The following GPC5 variants were observed in gnomAD, a reference collection of about 807,000 sequenced individuals.
GPC5 encodes the protein glypican 5, also known as glypican-5.
In GPC5, 47 loss-of-function variants were observed where a neutral mutation model predicts 53.9. That is an observed-to-expected ratio of 0.87 (90% CI 0.69 to 1.11). The LOEUF (loss-of-function observed/expected upper bound fraction) is 1.11. GPC5 is among the 50% of genes most tolerant of loss of function. The pLI is 0.00. For missense variants in GPC5, 748 were observed against 713.1 expected (o/e 1.05, Z -0.56); for synonymous variants, 286 against 263.3 (o/e 1.09, Z -0.84).
intron 7 of GPC5, among the ~76,000 whole-genome samples, chr13:92,830,067 A>G (rs1041670157): frequency 6.6e-6 from 1 of 152,148 alleles, no homozygotes; most frequent in African/African-American, 2.4e-5. Flanking sequence ...TGAGACTTTC[A>G]TGACCTCATA....
chr13:91,528,305 T>C (rs926865571), intron 2 of GPC5, among the ~76,000 whole-genome samples: 3 of 152,184 alleles, frequency 2.0e-5, no homozygotes, highest in African/African-American at 7.2e-5. Context: ...AGAAATTTCT[T>C]CTGCCAGATA....
intron 2 of GPC5, among the ~76,000 whole-genome samples, chr13:91,675,856 A>G (rs913479342): frequency 1.3e-5 from 2 of 152,170 alleles, no homozygotes; most frequent in African/African-American, 4.8e-5. Flanking sequence ...AGTGGAGGAG[A>G]TAAGAGTGGA....
At chr13:92,304,855 A>G (rs2043100772) in intron 7 of GPC5, among the ~76,000 whole-genome samples, 1 of 152,170 alleles carries the variant, frequency 6.6e-6, no homozygotes, top group South Asian at 2.1e-4. Context: ...ATTGATTCCA[A>G]GATATGGCTT....
intron 5 of GPC5, among the ~76,000 whole-genome samples, chr13:91,887,938 C>T (rs1852292457): frequency 6.6e-6 from 1 of 152,192 alleles, no homozygotes. Context: ...CTGTTACAAC[C>T]TCTGCTTGTT....
chr13:91,759,954 T>C (rs1052044090), intron 5 of GPC5, among the ~76,000 whole-genome samples: 4 of 152,090 alleles, frequency 2.6e-5, no homozygotes, highest in Non-Finnish European at 5.9e-5. Context: ...TTCTGGAAAG[T>C]TACAAGAAAA....
chr13:92,702,023 CCT>C (rs1491358643), intron 7 of GPC5, among the ~76,000 whole-genome samples: 3 of 147,932 alleles, frequency 2.0e-5, no homozygotes, highest in Non-Finnish European at 3.0e-5. Context: ...ACTTTTCTCC[CCT>C]GTTATAGGAG....
chr13:92,579,059 C>T (rs946971194), intron 7 of GPC5, among the ~76,000 whole-genome samples: 1 of 152,080 alleles, frequency 6.6e-6, no homozygotes, highest in Non-Finnish European at 1.5e-5. Flanking sequence ...ATTCAGAGGT[C>T]ATGGAAAAGA....
rs185034356 is a variant in GPC5, at chr13:92,187,957, T to C, written c.1561+42968T>C. ...CACAAACTGTGCCACTGACATTTTA[T>C]TATTTATTTTTTAACATAGAAATCC... On this transcript the variant is annotated intron_variant, in intron 7 of 7. Coordinates refer to ENST00000377067, the MANE Select transcript of GPC5 (RefSeq NM_004466.6). Among the ~76,000 whole-genome samples, 10 of 152,348 alleles carry C rather than the reference T, an allele frequency of 6.6e-5. No individual in the cohort carries two copies. The East Asian group carries it at 1.9e-3, about 29-fold the overall frequency.
intron 7 of GPC5, among the ~76,000 whole-genome samples, chr13:92,748,721 C>T (rs191903292): frequency 6.6e-6 from 1 of 152,058 alleles, no homozygotes; most frequent in African/African-American, 2.4e-5. Context: ...CTTTGAAGTA[C>T]ATTTTTATTT....
intron 6 of GPC5, among the ~76,000 whole-genome samples, chr13:91,986,060 A>ACTT (rs1276379094): frequency 5.4e-4 from 51 of 94,888 alleles, no homozygotes; most frequent in Non-Finnish European, 5.6e-4. Context: ...CTTAGCCAAT[A>ACTT]CTTTTTTTTT....
At chr13:92,196,894 T>C (rs2042260413) in intron 7 of GPC5, among the ~76,000 whole-genome samples, 2 of 152,150 alleles carry the variant, frequency 1.3e-5, no homozygotes, top group South Asian at 4.1e-4. Flanking sequence ...GAGTGTAAAA[T>C]ATTTTATCCT....
intron 5 of GPC5, among the ~76,000 whole-genome samples, chr13:91,824,334 G>T (rs914609857): frequency 6.6e-6 from 1 of 151,976 alleles, no homozygotes; most frequent in Admixed American, 6.6e-5. Flanking sequence ...ACTAAATTAA[G>T]GAGGGTAGAA....
At chr13:92,479,255 G>T (rs1879262741) in intron 7 of GPC5, among the ~76,000 whole-genome samples, 1 of 152,126 alleles carries the variant, frequency 6.6e-6, no homozygotes, top group Non-Finnish European at 1.5e-5. Context: ...CCACGATTGG[G>T]CCCAGGAGAC....
At chr13:92,299,427 G>A (rs1245172189) in intron 7 of GPC5, among the ~76,000 whole-genome samples, 1 of 152,158 alleles carries the variant, frequency 6.6e-6, no homozygotes, top group African/African-American at 2.4e-5. Flanking sequence ...CAAAAGAGAA[G>A]TGACTATGAA....
chr13:91,793,818 A>C (rs1282715663), intron 5 of GPC5, among the ~76,000 whole-genome samples: 2 of 152,078 alleles, frequency 1.3e-5, no homozygotes, highest in Non-Finnish European at 2.9e-5. Flanking sequence ...TAAAACCATC[A>C]GATTTTGTGA....
chr13:92,246,378 T>C (rs961377614), intron 7 of GPC5, among the ~76,000 whole-genome samples: 1 of 152,148 alleles, frequency 6.6e-6, no homozygotes, highest in African/African-American at 2.4e-5. Flanking sequence ...TGTCTACTTA[T>C]ACCAGTGAGA....
At chr13:92,117,393 A>C (rs1202380833) in intron 6 of GPC5, among the ~76,000 whole-genome samples, 1 of 152,206 alleles carries the variant, frequency 6.6e-6, no homozygotes, top group African/African-American at 2.4e-5. Context: ...ATGCTAAAAA[A>C]TAACTGTTAA....
intron 2 of GPC5, among the ~76,000 whole-genome samples, chr13:91,571,746 TAC>T (rs1315308843): frequency 1.4e-5 from 2 of 143,340 alleles, no homozygotes; most frequent in African/African-American, 5.4e-5. Flanking sequence ...TATGTATATA[TAC>T]ACACATATAC....
intron 7 of GPC5, among the ~76,000 whole-genome samples, chr13:92,454,486 T>C (rs937309498): frequency 6.6e-6 from 1 of 152,212 alleles, no homozygotes; most frequent in Non-Finnish European, 1.5e-5. Flanking sequence ...CAAAGTAGAA[T>C]AACACATTCC....
Sources: allele counts gnomAD v4.1 joint callset (sites outside exome capture counted in the v4.1 genomes callset), GRCh38; gene constraint gnomAD v4.1.1; transcripts MANE v1.5; gene names NCBI Gene and HGNC (gene_info 2026-07-23, HGNC 2026-07-21).